The following MCCC1 variants were observed in gnomAD, a reference collection of about 807,000 sequenced individuals.
MCCC1 encodes the protein methylcrotonyl-CoA carboxylase subunit 1.
A neutral mutation model predicts 83.8 loss-of-function variants in MCCC1; 64 were observed. That is an observed-to-expected ratio of 0.76 (90% confidence interval 0.62 to 0.94). The LOEUF (loss-of-function observed/expected upper bound fraction) is 0.94, where lower values mean the gene tolerates loss of function less well. MCCC1 is among the 40% of genes least tolerant of loss of function. The probability of loss-of-function intolerance (pLI) is 0.00; values close to 1 mark genes in which losing one functional copy is unlikely to be tolerated. For synonymous variants in MCCC1, 322 were observed against 315.4 expected (o/e 1.02, Z -0.22); for missense variants, 807 against 904.7 (o/e 0.89, Z 1.39).
chr3:183,059,152 CAAAAA>C (rs1200970104), intron 7 of MCCC1, among the ~76,000 whole-genome samples: 1 of 152,014 alleles, frequency 6.6e-6, no homozygotes, highest in Non-Finnish European at 1.5e-5. Flanking sequence ...ACTAAAAATA[CAAAAA>C]TTAGCCAGGT....
chr3:183,015,455 T>C lies in MCCC1; in HGVS notation c.2161A>G (p.Lys721Glu). The change falls in exon 19 of 19, where the codon AAA (lysine) becomes GAA (glutamate). Residue 721 changes from lysine (K) to glutamate (E), a missense_variant. Physicochemically the swap from Lys to Glu is moderately conservative, Grantham distance 56. Transcript: ENST00000265594. ...LVEFEEEESD[K>E]RESE is the part of the protein sequence containing the mutation. Reference sequence around the variant, plus strand: ...GCTGGAGTTTATTCCGATTCCCTTTTGTCTGATTCTTCCTCCTCAAACTCG... The same window carrying C: ...GCTGGAGTTTATTCCGATTCCCTTTCGTCTGATTCTTCCTCCTCAAACTCG... 1 of 1,614,202 alleles carries C rather than the reference T, an allele frequency of 6.2e-7. No homozygotes were observed. Among genetic ancestry groups the C allele is most frequent in the Non-Finnish European group, 8.5e-7 (1 of 1,180,032 alleles).
intron 1 of MCCC1, among the ~76,000 whole-genome samples, chr3:183,112,261 C>G (rs1719507434): frequency 6.6e-6 from 1 of 152,134 alleles, no homozygotes; most frequent in Non-Finnish European, 1.5e-5. Context: ...GAACATCCAA[C>G]TAAAAATGAG....
At chr3:183,079,240 C>T (rs560434099) in intron 4 of MCCC1, among the ~76,000 whole-genome samples, 17 of 152,278 alleles carry the variant, frequency 1.1e-4, no homozygotes, top group African/African-American at 4.1e-4. Context: ...GTCCACAGTC[C>T]AACATCTCGT....
intron 13 of MCCC1, among the ~76,000 whole-genome samples, chr3:183,036,600 C>T (rs1402435555): frequency 2.1e-5 from 3 of 141,544 alleles, no homozygotes; most frequent in Non-Finnish European, 4.5e-5. Flanking sequence ...AGTGCAGTGG[C>T]GCGATCTCGG....
In MCCC1 at chr3:183,099,377, G is replaced by A. The variant is rs1490855504; in HGVS notation, c.64C>T (p.Leu22Phe). The A allele has an allele frequency of 1.2e-6, 2 of 1,602,950 alleles. No individual in the cohort carries two copies. The highest frequency in any genetic ancestry group is 2.7e-5 in the African/African-American group (2 of 74,702). Residue 22 changes from leucine (L) to phenylalanine (F), a missense_variant, in exon 1 of 19, where the codon CTC becomes TTC. Leu to Phe is a conservative substitution (Grantham distance 22). Transcript: ENST00000265594. ...VAAERNRWHR[L>F]PSLLLPPRTW... The stretch of plus-strand genomic sequence containing the variant: ...CTCGGCGGCAGGAGCAGGCTCGGGA[G>A]ACGATGCCACCGGTTCCTCTCCGCC...
chr3:183,105,514 C>A (rs945186264), intron 1 of MCCC1, among the ~76,000 whole-genome samples: 1 of 152,050 alleles, frequency 6.6e-6, no homozygotes, highest in Non-Finnish European at 1.5e-5. Flanking sequence ...AAAGAAAATT[C>A]CCATATGCTT....
chr3:183,052,211 CTT>C lies in MCCC1; in HGVS notation c.901_902del (p.Lys301AlafsTer10). 6.2e-7 allele frequency: 1 copy of C among 1,614,084 alleles called. No homozygotes were observed. The highest frequency in any genetic ancestry group is 2.2e-5 in the East Asian group (1 of 44,866). On this transcript the variant is annotated frameshift_variant, in exon 9 of 19. Coordinates refer to ENST00000265594, the MANE Select transcript of MCCC1 (RefSeq NM_020166.5). LOFTEE classifies it high-confidence loss of function. Reference protein sequence around the residue: ...APGIKSEVRKKLGEAAVRAAK... With the variant: ...APGIKSEVRKXLGEAAVRAAK... The stretch of plus-strand genomic sequence containing the variant: ...CAGCTCTGACTGCAGCTTCTCCCAG[CTT>C]TTTTCTTACTTCAGATTTAATACCA...
At chr3:183,015,766 T>G (rs1711561895) in intron 18 of MCCC1, among the ~76,000 whole-genome samples, 200 bp from the exon 19 acceptor site, 1 of 152,032 alleles carries the variant, frequency 6.6e-6, no homozygotes, top group African/African-American at 2.4e-5. Context: ...CAGTAACAAG[T>G]TGAGAGGAAT....
At chr3:183,111,138 C>G (rs1459719362) in intron 1 of MCCC1, among the ~76,000 whole-genome samples, 2 of 152,184 alleles carry the variant, frequency 1.3e-5, no homozygotes, top group Non-Finnish European at 2.9e-5. Context: ...TCTCCTGGAA[C>G]AGGCAAACTC....
intron 7 of MCCC1, among the ~76,000 whole-genome samples, chr3:183,059,752 T>C (rs1191640340): frequency 1.3e-5 from 2 of 152,218 alleles, no homozygotes; most frequent in African/African-American, 4.8e-5. Flanking sequence ...TCCTTCATAC[T>C]TGAAGCATAA....
chr3:183,087,819 G>A (rs886751454), intron 3 of MCCC1, among the ~76,000 whole-genome samples: 12 of 147,920 alleles, frequency 8.1e-5, no homozygotes, highest in South Asian at 6.4e-4. Flanking sequence ...GTAGTGAGCC[G>A]AGATTGCGCC....
chr3:183,057,289 A>G (rs753790151), intron 8 of MCCC1, 22 bp downstream of exon 8: 3 of 1,543,588 alleles, frequency 1.9e-6, no homozygotes, highest in East Asian at 4.6e-5. Context: ...GAAGCTTACA[A>G]ATTTCTTTCC....
Position 183,015,534 on chromosome 3 carries a change from T to C in MCCC1, c.2082A>G (p.Val694=), listed in dbSNP as rs765720892. The C allele has an allele frequency of 7.4e-6, 12 of 1,614,066 alleles. No homozygotes were observed. The highest frequency in any genetic ancestry group is 1.0e-5 in the Non-Finnish European group (12 of 1,180,004). ...CACCTTCTCTGTAGAACACTTTCTTTACTGTGCCATCCTTTGGAGACTTTA... is the reference window on the plus strand; with the variant it reads ...CACCTTCTCTGTAGAACACTTTCTTCACTGTGCCATCCTTTGGAGACTTTA... ...HTIKSPKDGT[V]KKVFYREGAQ... is the part of the protein sequence containing the mutation. Residue 694 remains valine, a synonymous_variant, in exon 19 of 19, where the codon GTA becomes GTG. Transcript: ENST00000265594.
chr3:183,077,754 G>C (rs1717184965), intron 4 of MCCC1, among the ~76,000 whole-genome samples: 1 of 152,120 alleles, frequency 6.6e-6, no homozygotes, highest in Admixed American at 6.5e-5. Flanking sequence ...ATTTAGGTCT[G>C]TGATATATTG....
At chr3:183,098,705 G>A (rs901567740) in intron 1 of MCCC1, 1 of 152,558 alleles carries the variant, frequency 6.6e-6, no homozygotes, top group African/African-American at 2.4e-5. Context: ...TTGAAACAGA[G>A]CTGGAGTCAG....
chr3:183,112,678 C>A (rs1352076937), intron 1 of MCCC1, among the ~76,000 whole-genome samples: 1 of 152,176 alleles, frequency 6.6e-6, no homozygotes, highest in Non-Finnish European at 1.5e-5. Flanking sequence ...TTTCAACCAT[C>A]ATTTAATTTC....
intron 9 of MCCC1, 136 bp downstream of exon 9, chr3:183,052,023 T>C (rs1324902301): frequency 1.7e-5 from 13 of 746,022 alleles, no homozygotes; most frequent in Middle Eastern, 2.3e-4. Flanking sequence ...AGTCTCAATA[T>C]AAAATGTATT....
chr3:183,099,273 C>G, intron 1 of MCCC1, 79 bp downstream of exon 1: 1 of 1,498,674 alleles, frequency 6.7e-7, no homozygotes, highest in Non-Finnish European at 9.0e-7. Context: ...TGGGTTCCGC[C>G]GCACCTCCCA....
chr3:183,026,661 G>A (rs1397189948), intron 14 of MCCC1, among the ~76,000 whole-genome samples: 4 of 152,106 alleles, frequency 2.6e-5, no homozygotes, highest in Non-Finnish European at 4.4e-5. Flanking sequence ...AGTGAGCTGA[G>A]ATCGCACCAC....
Sources: allele counts gnomAD v4.1 joint callset (sites outside exome capture counted in the v4.1 genomes callset), GRCh38; gene constraint gnomAD v4.1.1; transcripts MANE v1.5; gene names NCBI Gene and HGNC (gene_info 2026-07-23, HGNC 2026-07-21).